The following IL1RAPL2 variants were observed in gnomAD, a reference collection of about 807,000 sequenced individuals.
IL1RAPL2 encodes interleukin 1 receptor accessory protein like 2, also known as X-linked interleukin-1 receptor accessory protein-like 2.
IL1RAPL2 carries 3 observed loss-of-function variants against 44.1 expected under a neutral mutation model. That is an observed-to-expected ratio of 0.07 (90% CI 0.03 to 0.18). The LOEUF is 0.18. Ranked by LOEUF, IL1RAPL2 falls within the 10% of genes least tolerant of loss-of-function variation. IL1RAPL2 has a pLI of 1.00. For missense variants in IL1RAPL2, 391 were observed against 496.4 expected (o/e 0.79, Z 2.02); for synonymous variants, 181 against 178.8 (o/e 1.01, Z -0.10).
intron 4 of IL1RAPL2, among the ~76,000 whole-genome samples, chrX:105,262,071 A>G (rs986122591): frequency 8.9e-6 from 1 of 112,055 alleles, no homozygotes; most frequent in African/African-American, 3.2e-5. Context: ...AGTTCATACC[A>G]GTTGCTGGCT....
intron 2 of IL1RAPL2, among the ~76,000 whole-genome samples, chrX:105,114,180 T>C (rs774788615): frequency 4.5e-5 from 5 of 111,725 alleles, no homozygotes; most frequent in Non-Finnish European, 9.4e-5. Flanking sequence ...AACAGAGACC[T>C]CAAAGAGTTC....
At chrX:104,898,085 G>A (rs1051601510) in intron 2 of IL1RAPL2, among the ~76,000 whole-genome samples, 1 of 111,824 alleles carries the variant, frequency 8.9e-6, no homozygotes, top group African/African-American at 3.3e-5. Flanking sequence ...TTGACGGAGA[G>A]ATTGGCAAAG....
chrX:105,336,956 G>T (rs2035033120), intron 5 of IL1RAPL2, among the ~76,000 whole-genome samples: 1 of 111,153 alleles, frequency 9.0e-6, no homozygotes, highest in Admixed American at 9.6e-5. Context: ...TACTAATTCT[G>T]CCTTTCCTGT....
chrX:105,445,239 C>CT (rs1255701634), intron 5 of IL1RAPL2, among the ~76,000 whole-genome samples: 2 of 111,640 alleles, frequency 1.8e-5, no homozygotes, highest in African/African-American at 6.5e-5. Flanking sequence ...GTTATAATGT[C>CT]TTTTTTTATC....
chrX:104,906,575 T>C (rs1924016493), intron 2 of IL1RAPL2, among the ~76,000 whole-genome samples: 1 of 112,224 alleles, frequency 8.9e-6, no homozygotes, highest in African/African-American at 3.2e-5. Flanking sequence ...ATGTGGTTTT[T>C]GTCTTTGGCT....
At chrX:105,263,426 A>C (rs1287618383) in intron 4 of IL1RAPL2, among the ~76,000 whole-genome samples, 1 of 111,915 alleles carries the variant, frequency 8.9e-6, no homozygotes, top group Admixed American at 9.5e-5. Context: ...ATGTGCTCTG[A>C]ATGGCACTAA....
intron 5 of IL1RAPL2, among the ~76,000 whole-genome samples, chrX:105,309,192 G>T (rs1028260934): frequency 9.3e-6 from 1 of 107,549 alleles, no homozygotes; most frequent in African/African-American, 3.4e-5. Flanking sequence ...GCACCACCAC[G>T]CCTGGTTAAT....
chrX:105,607,286 T>C (rs996298191), intron 6 of IL1RAPL2, among the ~76,000 whole-genome samples: 2 of 110,869 alleles, frequency 1.8e-5, no homozygotes, highest in Non-Finnish European at 3.8e-5. Context: ...TTTTATGCAA[T>C]AATATTTTAT....
chrX:105,413,450 G>T (rs371694262), intron 5 of IL1RAPL2, among the ~76,000 whole-genome samples: 1 of 111,399 alleles, frequency 9.0e-6, no homozygotes. Context: ...GCAGGAGAGG[G>T]AGTCAGTCCA....
chrX:104,655,430 CAT>C (rs1376265999), intron 1 of IL1RAPL2, among the ~76,000 whole-genome samples: 3 of 111,708 alleles, frequency 2.7e-5, no homozygotes, highest in African/African-American at 9.8e-5. Flanking sequence ...TTGAGATAAA[CAT>C]GTGGTTTTTG....
At chrX:104,672,150 A>T (rs756596290) in intron 2 of IL1RAPL2, among the ~76,000 whole-genome samples, 1 of 110,766 alleles carries the variant, frequency 9.0e-6, no homozygotes, top group East Asian at 2.9e-4. Flanking sequence ...CACATTGTGC[A>T]GGTTAGTTAC....
intron 5 of IL1RAPL2, among the ~76,000 whole-genome samples, chrX:105,298,052 C>T (rs987506665): frequency 9.1e-6 from 1 of 109,581 alleles, no homozygotes; most frequent in East Asian, 2.8e-4. Flanking sequence ...TGTGTATCTA[C>T]ACACACACAC....
chrX:104,774,345 T>C (rs981467186), intron 2 of IL1RAPL2, among the ~76,000 whole-genome samples: 17 of 111,847 alleles, frequency 1.5e-4, no homozygotes, highest in African/African-American at 5.5e-4. Flanking sequence ...ACATGAGATA[T>C]ATTCTTTAAG....
chrX:105,687,898 G>T (rs2037996814), intron 6 of IL1RAPL2, among the ~76,000 whole-genome samples: 1 of 111,425 alleles, frequency 9.0e-6, no homozygotes, highest in African/African-American at 3.3e-5. Flanking sequence ...CTCATCCCTG[G>T]GATGCAAGGC....
At chrX:105,349,377 C>T (rs1270693396) in intron 5 of IL1RAPL2, among the ~76,000 whole-genome samples, 1 of 112,060 alleles carries the variant, frequency 8.9e-6, no homozygotes, top group Non-Finnish European at 1.9e-5. Context: ...AGTTTTCTTC[C>T]TTGAACAAGC....
chrX:105,645,034 T>G (rs1447389444), intron 6 of IL1RAPL2, among the ~76,000 whole-genome samples: 1 of 111,831 alleles, frequency 8.9e-6, no homozygotes, highest in African/African-American at 3.3e-5. Context: ...TGGTTCCAAG[T>G]CTTTGCTATT....
intron 5 of IL1RAPL2, among the ~76,000 whole-genome samples, chrX:105,358,962 G>A (rs1458029487): frequency 8.9e-6 from 1 of 111,906 alleles, no homozygotes; most frequent in Non-Finnish European, 1.9e-5. Flanking sequence ...CTGGAGTTAG[G>A]ATGGGTCTCT....
chrX:104,579,247 T>C (rs1357023530), intron 1 of IL1RAPL2, among the ~76,000 whole-genome samples: 2 of 111,711 alleles, frequency 1.8e-5, no homozygotes, highest in Non-Finnish European at 3.8e-5. Flanking sequence ...CATTACTGGG[T>C]ACATGCCCAA....
chrX:104,891,914 T>C (rs1923460211), intron 2 of IL1RAPL2, among the ~76,000 whole-genome samples: 2 of 111,731 alleles, frequency 1.8e-5, no homozygotes, highest in Admixed American at 1.9e-4. Flanking sequence ...CCATTCAGTA[T>C]GATATTGGCT....
Sources: gnomAD v4.1 joint callset for allele counts (sites outside exome capture counted in the v4.1 genomes callset) on GRCh38, gnomAD v4.1.1 for gene constraint, MANE v1.5 for transcripts, NCBI Gene and HGNC (gene_info 2026-07-23, HGNC 2026-07-21) for gene names.